CDK19: variants seen among roughly 807,000 people sequenced by gnomAD.
CDK19 encodes the protein cyclin dependent kinase 19.
Under a neutral mutation model 68.3 loss-of-function variants are expected in CDK19, and 20 were observed. The observed-to-expected ratio is 0.29, with a 90% CI of 0.21 to 0.43. The LOEUF (loss-of-function observed/expected upper bound fraction) is 0.43, where lower values mean the gene tolerates loss of function less well. Ranked by LOEUF, CDK19 falls within the 20% of genes least tolerant of loss-of-function variation. The pLI is 1.00. For missense variants in CDK19, 339 were observed against 623.5 expected (o/e 0.54, Z 4.86); for synonymous variants, 221 against 222.8 (o/e 0.99, Z 0.07).
chr6:110,668,500 T>C (rs987709831), intron 3 of CDK19, among the ~76,000 whole-genome samples: 4 of 152,190 alleles, frequency 2.6e-5, no homozygotes, highest in African/African-American at 9.7e-5. Context: ...AGAAATATAC[T>C]GGGAGCCACA....
intron 1 of CDK19, among the ~76,000 whole-genome samples, chr6:110,795,834 A>G (rs958159266): frequency 1.1e-4 from 16 of 151,962 alleles, no homozygotes; most frequent in African/African-American, 3.9e-4. Flanking sequence ...ACTAAAAATC[A>G]AGTTCTTAAA....
At chr6:110,624,544 G>C (rs2114649559) in intron 8 of CDK19, among the ~76,000 whole-genome samples, 1 of 152,236 alleles carries the variant, frequency 6.6e-6, no homozygotes, top group East Asian at 1.9e-4. Flanking sequence ...TGTCCCTTTG[G>C]TGTTTTGCGT....
chr6:110,666,424 C>CAAAAAAAA (rs57791161), intron 4 of CDK19, among the ~76,000 whole-genome samples: 4 of 47,928 alleles, frequency 8.3e-5, no homozygotes, highest in African/African-American at 2.0e-4. Flanking sequence ...GACTCTGTCT[C>CAAAAAAAA]AAAAAAAAAA....
chr6:110,666,373 C>T (rs1265996624), intron 4 of CDK19, among the ~76,000 whole-genome samples: 17 of 132,230 alleles, frequency 1.3e-4, no homozygotes, highest in African/African-American at 4.5e-4. Context: ...TGCAGTGAGC[C>T]GAGATGGCGC....
chr6:110,776,670 C>G (rs567029780), intron 1 of CDK19, among the ~76,000 whole-genome samples: 4 of 152,146 alleles, frequency 2.6e-5, no homozygotes, highest in African/African-American at 4.8e-5. Flanking sequence ...TCCCAAACAG[C>G]CTTCTAGACT....
At position 110,811,881 on chromosome 6, in the gene CDK19, ATT is replaced by A. The variant is rs35714459; in HGVS notation, c.128+3126_128+3127del. Among the ~76,000 whole-genome samples the A allele has an allele frequency of 2.1e-3, 298 of 141,920 alleles. 1 individual carries two copies. Among genetic ancestry groups the A allele is most frequent in the African/African-American group, 6.7e-3 (261 of 39,078 alleles). 93.1% of individuals were successfully genotyped at this position (141,920 alleles called of 152,430 possible). A position where few individuals can be genotyped will look rare whatever the true frequency, so the allele number is the denominator to read the frequency against. ...AAAAAAAGAACAACTTTTAAACCGG[ATT>A]TTTTTTTTTTTTTAAAGTAAAAGAG... On this transcript the variant is annotated intron_variant, in intron 1 of 12. Transcript: ENST00000368911.
chr6:110,814,826 G>A (rs1333132317), intron 1 of CDK19, 183 bp downstream of exon 1: 21 of 791,894 alleles, frequency 2.7e-5, no homozygotes, highest in Non-Finnish European at 3.9e-5. Flanking sequence ...GTACGCGACG[G>A]GGCCGCGCGG....
intron 1 of CDK19, chr6:110,814,773 C>T (rs1362030960): frequency 1.5e-5 from 10 of 662,620 alleles, no homozygotes; most frequent in Admixed American, 6.3e-5. Context: ...CCCTCTGGGA[C>T]GGGACCGACG....
chr6:110,674,437 G>C (rs974984766), intron 2 of CDK19, among the ~76,000 whole-genome samples: 2 of 152,182 alleles, frequency 1.3e-5, no homozygotes, highest in African/African-American at 4.8e-5. Flanking sequence ...TGAAAGCTAG[G>C]CCTCTTGCAC....
intron 1 of CDK19, among the ~76,000 whole-genome samples, chr6:110,771,557 G>C (rs1780015760): frequency 6.6e-6 from 1 of 152,158 alleles, no homozygotes; most frequent in Non-Finnish European, 1.5e-5. Flanking sequence ...GAAGATCTCT[G>C]ACATGCTCTG....
chr6:110,812,262 A>G, intron 1 of CDK19, among the ~76,000 whole-genome samples: 1 of 151,938 alleles, frequency 6.6e-6, no homozygotes, highest in African/African-American at 2.4e-5. Flanking sequence ...CTGGGACTAC[A>G]AGTACCCGCC....
intron 5 of CDK19, among the ~76,000 whole-genome samples, chr6:110,634,272 T>A (rs1779619217): frequency 6.6e-6 from 1 of 152,148 alleles, no homozygotes; most frequent in Non-Finnish European, 1.5e-5. Context: ...GCTGGAGTGC[T>A]GTGGTGCCAC....
rs367582374 is a variant in CDK19 at position 110,632,171 on chromosome 6, T to C, written c.515-10A>G. 688 of 1,575,776 alleles carry C rather than the reference T, an allele frequency of 4.4e-4. No homozygotes were observed. The highest frequency in any genetic ancestry group is 5.7e-4 in the Non-Finnish European group (657 of 1,161,628). Reference sequence around the variant, plus strand: ...GCAAAACCCATGTCAGCTAAAAAAATAAAATAAATTAACATAAAATTCAGT... The same window carrying C: ...GCAAAACCCATGTCAGCTAAAAAAACAAAATAAATTAACATAAAATTCAGT... On this transcript the variant is annotated splice_polypyrimidine_tract_variant and intron_variant, in intron 5 of 12. Transcript: ENST00000368911.
chr6:110,743,483 A>C (rs1777836439), intron 2 of CDK19, among the ~76,000 whole-genome samples: 1 of 152,092 alleles, frequency 6.6e-6, no homozygotes, highest in African/African-American at 2.4e-5. Flanking sequence ...CTCTACTAAA[A>C]TACAAAAAAT....
chr6:110,690,176 A>T (rs538892224), intron 2 of CDK19, among the ~76,000 whole-genome samples: 1 of 152,202 alleles, frequency 6.6e-6, no homozygotes, highest in East Asian at 1.9e-4. Flanking sequence ...GTGCACCTAT[A>T]GACAGCCTTT....
intron 4 of CDK19, among the ~76,000 whole-genome samples, chr6:110,664,761 A>G (rs1222952669): frequency 6.6e-6 from 1 of 152,228 alleles, no homozygotes. Flanking sequence ...GATAAATGCC[A>G]TAACAGAAGT....
intron 1 of CDK19, among the ~76,000 whole-genome samples, chr6:110,803,300 C>T (rs1366393314): frequency 1.3e-5 from 2 of 152,252 alleles, no homozygotes; most frequent in Admixed American, 6.5e-5. Flanking sequence ...AGGATGGTCT[C>T]GATCTCCTGA....
intron 2 of CDK19, among the ~76,000 whole-genome samples, chr6:110,699,866 C>T (rs868126131): frequency 3.9e-5 from 6 of 152,320 alleles, no homozygotes; most frequent in East Asian, 1.9e-4. Flanking sequence ...AGAAAGTAGA[C>T]GGCTAATTTG....
chr6:110,630,850 T>C (rs1266958843), intron 6 of CDK19, among the ~76,000 whole-genome samples: 1 of 152,252 alleles, frequency 6.6e-6, no homozygotes, highest in Non-Finnish European at 1.5e-5. Context: ...TGCAGCACTG[T>C]GCTAGAGTCT....
Sources: gnomAD v4.1 joint callset for allele counts (sites outside exome capture counted in the v4.1 genomes callset) on GRCh38, gnomAD v4.1.1 for gene constraint, MANE v1.5 for transcripts, NCBI Gene and HGNC (gene_info 2026-07-23, HGNC 2026-07-21) for gene names.